Variants in BICRA observed in about 807,000 individuals in gnomAD.
The protein encoded by BICRA is BRD4 interacting chromatin remodeling complex associated protein, also known as BRD4-interacting chromatin-remodeling complex-associated protein.
BICRA carries 31 observed loss-of-function variants against 96.9 expected under a neutral mutation model. The ratio of observed to expected loss-of-function variants is 0.32; its 90% CI spans 0.24 to 0.43. The LOEUF is 0.43. BICRA is among the 20% of genes least tolerant of loss of function. BICRA has a pLI of 1.00. For synonymous variants in BICRA, 1,350 were observed against 1,071.8 expected (o/e 1.26, Z -5.07); for missense variants, 2,283 against 2,190.3 (o/e 1.04, Z -0.84).
chr19:47,657,463 T>C (rs566199527), intron 1 of BICRA, among the ~76,000 whole-genome samples: 22 of 151,298 alleles, frequency 1.5e-4, no homozygotes, highest in African/African-American at 4.9e-4. Flanking sequence ...GTGGCATGAT[T>C]TCGGCTCACT....
intron 1 of BICRA, among the ~76,000 whole-genome samples, chr19:47,644,523 T>C (rs1346835533): frequency 1.4e-5 from 2 of 140,866 alleles, no homozygotes; most frequent in South Asian, 5.0e-4. Flanking sequence ...TTCTTTCTGA[T>C]GGAATCTCAC....
intron 1 of BICRA, among the ~76,000 whole-genome samples, chr19:47,648,651 C>T (rs1972497531): frequency 6.6e-6 from 1 of 150,638 alleles, no homozygotes; most frequent in Non-Finnish European, 1.5e-5. Flanking sequence ...GGTGGTGGAT[C>T]ACCTGAGGTC....
intron 2 of BICRA, among the ~76,000 whole-genome samples, 178 bp from the exon 3 acceptor site, chr19:47,673,392 G>C (rs1972894681): frequency 6.6e-6 from 1 of 151,990 alleles, no homozygotes; most frequent in African/African-American, 2.4e-5. Context: ...CCCTGGTCAG[G>C]GGTTTCTGGC....
At position 47,698,969 on chromosome 19, in the gene BICRA, C is replaced by T. The variant is rs1973394739; in HGVS notation, c.3402C>T (p.Asp1134=). 1.3e-6 allele frequency: 2 copies of T among 1,579,234 alleles called. No homozygotes were observed. The highest frequency in any genetic ancestry group is 8.6e-7 in the Non-Finnish European group (1 of 1,162,406). Residue 1134 remains aspartate (D), a synonymous_variant, in exon 13 of 15, where the codon GAC becomes GAT. Transcript: ENST00000594866. This position sits in a 1 kb window ranked among gnomAD's most constrained non-coding sequence, Gnocchi z 4.8. ...CCTCTCTTCCCTTCCTCGCAGTGGA[C>T]GAGGAGTTTGAGACGGTCTCCACGC... ...LPSPSDYHKV[D]EEFETVSTQL...
Position 47,682,757 on chromosome 19 carries a change from C to T in BICRA, c.2283+605C>T, listed in dbSNP as rs78597754. 1.6e-4 allele frequency among the ~76,000 whole-genome samples: 24 copies of T among 151,926 alleles called. No individual in the cohort carries two copies. The East Asian group carries it at 4.2e-3, about 27-fold the overall frequency. ...CGCGATCTTGGCTCACTGCAACCTC[C>T]GCCTCCGATGTTTAAGTGATTCTCC... On this transcript the variant is annotated intron_variant, in intron 7 of 14. Coordinates refer to ENST00000594866, the MANE Select transcript of BICRA (RefSeq NM_001394372.1).
intron 1 of BICRA, among the ~76,000 whole-genome samples, chr19:47,648,024 C>T (rs961062570): frequency 2.6e-5 from 4 of 151,806 alleles, no homozygotes; most frequent in Non-Finnish European, 5.9e-5. Flanking sequence ...GCTCCTGGGT[C>T]GGTGTGCGGG....
intron 1 of BICRA, among the ~76,000 whole-genome samples, chr19:47,665,676 G>A (rs958257843): frequency 1.3e-4 from 20 of 152,118 alleles, no homozygotes; most frequent in African/African-American, 4.8e-4. Context: ...TGTCTTGAAA[G>A]GCTTCCCCTG....
rs1476504352 is a variant in BICRA at position 47,699,420 on chromosome 19, TGA to T, written c.3595+19_3595+20del. 1 of 1,431,976 alleles carries T rather than the reference TGA, an allele frequency of 7.0e-7. No individual in the cohort carries two copies. The highest frequency in any genetic ancestry group is 2.0e-5 in the Admixed American group (1 of 50,498). 88.7% of individuals were successfully genotyped at this position (1,431,976 alleles called of 1,614,324 possible). ...GGAGAAGCCGGGTGAGAGGGGGGAGTGAGAGGGGAGGGGAGGGAGAGGTGCCC... is the reference window on the plus strand; with the variant it reads ...GGAGAAGCCGGGTGAGAGGGGGGAGTGAGGGGAGGGGAGGGAGAGGTGCCC... On this transcript the variant is annotated intron_variant, in intron 14 of 14. Transcript: ENST00000594866. The surrounding 1 kb of genome is among the most constrained non-coding windows in gnomAD (Gnocchi z 5.0).
intron 8 of BICRA, 49 bp downstream of exon 8, chr19:47,694,775 C>G: frequency 9.3e-7 from 1 of 1,079,268 alleles, no homozygotes. Context: ...TCCCATCCCA[C>G]CCTCTCAGTC....
intron 7 of BICRA, among the ~76,000 whole-genome samples, chr19:47,683,413 T>C (rs1973096199): frequency 6.6e-6 from 1 of 152,252 alleles, no homozygotes; most frequent in Non-Finnish European, 1.5e-5. Context: ...GAGCCATTTG[T>C]ACTTTCTGTT....
rs756050136 is a variant in BICRA, at chr19:47,702,070, C to A, written c.4338C>A (p.Gly1446=). 6.6e-6 allele frequency: 10 copies of A among 1,510,836 alleles called. No individual in the cohort carries two copies. The highest frequency in any genetic ancestry group is 7.9e-6 in the Non-Finnish European group (9 of 1,137,970). 93.6% of individuals were successfully genotyped at this position (1,510,836 alleles called of 1,614,324 possible). A position where few individuals can be genotyped will look rare whatever the true frequency, so the allele number is the denominator to read the frequency against. The part of the protein sequence containing the change: ...EDELYQRMLK[G]PPPEPAASAA... Reference sequence around the variant, plus strand: ...AGCTGTACCAGCGTATGCTGAAGGGCCCCCCGCCAGAGCCCGCAGCCAGCG... The same window carrying A: ...AGCTGTACCAGCGTATGCTGAAGGGACCCCCGCCAGAGCCCGCAGCCAGCG... The change falls in exon 15 of 15, where the codon GGC becomes GGA. Residue 1446 remains glycine, a synonymous_variant. Coordinates refer to ENST00000594866, the MANE Select transcript of BICRA (RefSeq NM_001394372.1).
At chr19:47,634,859 T>A (rs1599798731) in intron 1 of BICRA, among the ~76,000 whole-genome samples, 1 of 147,024 alleles carries the variant, frequency 6.8e-6, no homozygotes, top group Non-Finnish European at 1.5e-5. Flanking sequence ...GCTTCCCGGG[T>A]TTACGCCATT....
intron 2 of BICRA, among the ~76,000 whole-genome samples, chr19:47,671,851 G>A (rs564236236): frequency 4.7e-5 from 7 of 149,320 alleles, no homozygotes; most frequent in African/African-American, 1.7e-4. Flanking sequence ...AGGATGGGAG[G>A]GATGGGTAGG....
chr19:47,608,722 C>T (rs1971845908), upstream of BICRA, among the ~76,000 whole-genome samples: 1 of 151,554 alleles, frequency 6.6e-6, no homozygotes, highest in African/African-American at 2.4e-5. Flanking sequence ...CCCGGACGTC[C>T]GCAGCCTCCC....
rs1361394574 is a variant in BICRA at position 47,680,484 on chromosome 19, GC to G, written c.1320del (p.Ala442ProfsTer2). ...ATTTGAAPPQPPGALSKPMSV... is the reference protein window; with the variant it reads ...ATTTGAAPPQXPGALSKPMSV... ...CCACCACCGGAGCGGCCCCGCCGCAGCCCCCCGGGGCCCTGAGCAAACCCAT... is the reference window on the plus strand; with the variant it reads ...CCACCACCGGAGCGGCCCCGCCGCAGCCCCCGGGGCCCTGAGCAAACCCAT... On this transcript the variant is annotated frameshift_variant, in exon 6 of 15. Coordinates refer to ENST00000594866, the MANE Select transcript of BICRA (RefSeq NM_001394372.1). LOFTEE classifies it high-confidence loss of function. 4 of 1,540,776 alleles carry G rather than the reference GC, an allele frequency of 2.6e-6. No individual in the cohort carries two copies.
intron 1 of BICRA, among the ~76,000 whole-genome samples, chr19:47,621,749 G>A (rs1039559740): frequency 9.9e-5 from 15 of 151,558 alleles, no homozygotes; most frequent in African/African-American, 3.6e-4. Flanking sequence ...GATTACAGGC[G>A]TGAGCCACTG....
intron 7 of BICRA, among the ~76,000 whole-genome samples, chr19:47,688,131 C>T (rs1238207614): frequency 3.9e-5 from 6 of 151,984 alleles, no homozygotes; most frequent in South Asian, 2.1e-4. Context: ...CTCTCGAAAT[C>T]TCTTGGAAGC....
At chr19:47,654,444 C>T (rs966688031) in intron 1 of BICRA, among the ~76,000 whole-genome samples, 4 of 152,046 alleles carry the variant, frequency 2.6e-5, no homozygotes, top group Non-Finnish European at 4.4e-5. Flanking sequence ...CTGTTTACTA[C>T]TGATGGCCAG....
chr19:47,669,427 C>T (rs908753015), intron 1 of BICRA, among the ~76,000 whole-genome samples: 27 of 152,146 alleles, frequency 1.8e-4, no homozygotes, highest in African/African-American at 5.5e-4. Context: ...TCAGCGTTCA[C>T]GGTGACTTTC....
Sources: gnomAD v4.1 joint callset for allele counts (sites outside exome capture counted in the v4.1 genomes callset) on GRCh38, gnomAD v4.1.1 for gene constraint, Gnocchi (gnomAD v3.1) non-coding constraint, MANE v1.5 for transcripts, NCBI Gene and HGNC (gene_info 2026-07-23, HGNC 2026-07-21) for gene names.